BARD1: variants seen among roughly 807,000 people sequenced by gnomAD.
BARD1 encodes the protein BRCA1 associated RING domain 1.
A neutral mutation model predicts 77.0 loss-of-function variants in BARD1; 73 were observed. The ratio of observed to expected loss-of-function variants is 0.95; its 90% CI spans 0.79 to 1.15. The LOEUF (loss-of-function observed/expected upper bound fraction) is 1.15, where lower values mean the gene tolerates loss of function less well. Among genes scored for constraint, BARD1 ranks in the 50% most tolerant of loss-of-function variants. BARD1 has a pLI of 0.00. For synonymous variants in BARD1, 384 were observed against 338.0 expected, an observed-to-expected ratio of 1.14 and a Z score of -1.49; for missense variants, 993 against 938.8, an observed-to-expected ratio of 1.06 and a Z score of -0.75.
chr2:214,751,151 A>ATTTTTTTTT (rs60746999), intron 7 of BARD1, among the ~76,000 whole-genome samples: 5 of 37,180 alleles, frequency 1.3e-4, no homozygotes, highest in East Asian at 6.6e-4. Context: ...ATATATATAT[A>ATTTTTTTTT]TTTTTTTTTT....
intron 6 of BARD1, among the ~76,000 whole-genome samples, chr2:214,758,510 C>G (rs1693805474): frequency 1.3e-5 from 2 of 152,136 alleles, no homozygotes; most frequent in Admixed American, 1.3e-4. Context: ...ACAATTGATG[C>G]ATGTTTTTCA....
At chr2:214,775,603 A>G (rs574839569) in intron 4 of BARD1, among the ~76,000 whole-genome samples, 1 of 152,298 alleles carries the variant, frequency 6.6e-6, no homozygotes, top group East Asian at 1.9e-4. Context: ...CTGTTGGAAA[A>G]ACAGCACTGA....
In BARD1 at chr2:214,801,167, A is replaced by G. The variant is rs146355191; in HGVS notation, c.159-4050T>C. On this transcript the variant is annotated intron_variant, in intron 1 of 10. Coordinates refer to ENST00000260947, the MANE Select transcript of BARD1 (RefSeq NM_000465.4). ...TTCATGTATAACTTTATTTAAAAAC[A>G]TTTTAAATGTAAAGGCACATGACAT... 8.6e-3 allele frequency among the ~76,000 whole-genome samples: 1,316 copies of G among 152,328 alleles called. 20 individuals are homozygous for G. The highest frequency in any genetic ancestry group is 0.029 in the African/African-American group (1,224 of 41,564).
intron 9 of BARD1, among the ~76,000 whole-genome samples, chr2:214,736,765 G>A (rs1332844968): frequency 6.6e-6 from 1 of 152,122 alleles, no homozygotes; most frequent in Non-Finnish European, 1.5e-5. Context: ...TCCATGAGAA[G>A]GAGCCAGTGT....
chr2:214,806,034 T>C (rs1459845427), intron 1 of BARD1, among the ~76,000 whole-genome samples: 1 of 152,238 alleles, frequency 6.6e-6, no homozygotes, highest in Non-Finnish European at 1.5e-5. Flanking sequence ...TAATATGGTC[T>C]TCCTGTCTCA....
intron 1 of BARD1, among the ~76,000 whole-genome samples, chr2:214,808,232 AC>A (rs1696366482): frequency 6.6e-6 from 1 of 152,156 alleles, no homozygotes; most frequent in Non-Finnish European, 1.5e-5. Flanking sequence ...ACACGGTGAA[AC>A]CCCATCTGTA....
chr2:214,737,478 G>A (rs566048486), intron 9 of BARD1, among the ~76,000 whole-genome samples: 3 of 152,132 alleles, frequency 2.0e-5, no homozygotes, highest in South Asian at 2.1e-4. Context: ...TACTCAATCC[G>A]ACATGCTAAG....
intron 2 of BARD1, among the ~76,000 whole-genome samples, chr2:214,792,767 T>C (rs545632619): frequency 2.2e-4 from 34 of 152,290 alleles, no homozygotes; most frequent in Admixed American, 8.5e-4. Flanking sequence ...TAGTCGTGCA[T>C]CCTAACTTTT....
intron 1 of BARD1, among the ~76,000 whole-genome samples, chr2:214,806,802 G>A (rs1325593413): frequency 1.4e-5 from 2 of 148,128 alleles, no homozygotes; most frequent in Admixed American, 6.9e-5. Flanking sequence ...TGAACCCGGG[G>A]GAAGGAGGTT....
At chr2:214,759,388 T>A (rs975684452) in intron 6 of BARD1, among the ~76,000 whole-genome samples, 1 of 152,160 alleles carries the variant, frequency 6.6e-6, no homozygotes, top group Non-Finnish European at 1.5e-5. Context: ...CACACTGGGA[T>A]GTACAGAGGG....
At chr2:214,729,037 G>C in intron 10 of BARD1, 29 bp from the exon 11 acceptor site, 1 of 1,604,502 alleles carries the variant, frequency 6.2e-7, no homozygotes, top group South Asian at 1.1e-5. Flanking sequence ...ATTTGTTAAA[G>C]GCAGATCAAA....
At chr2:214,790,959 A>C (rs1695486318) in intron 3 of BARD1, among the ~76,000 whole-genome samples, 1 of 152,166 alleles carries the variant, frequency 6.6e-6, no homozygotes, top group Non-Finnish European at 1.5e-5. Context: ...ATCACACACC[A>C]ATCTCTTTTA....
At chr2:214,760,448 C>T (rs1239304505) in intron 6 of BARD1, among the ~76,000 whole-genome samples, 1 of 152,060 alleles carries the variant, frequency 6.6e-6, no homozygotes, top group Non-Finnish European at 1.5e-5. Context: ...CCGCCTCGGC[C>T]TCCCAAAGTG....
chr2:214,804,296 C>T (rs965481981), intron 1 of BARD1, among the ~76,000 whole-genome samples: 3 of 152,222 alleles, frequency 2.0e-5, no homozygotes, highest in African/African-American at 7.2e-5. Context: ...GGTATTACCA[C>T]TTGCAAAGGC....
intron 4 of BARD1, among the ~76,000 whole-genome samples, chr2:214,775,663 T>C (rs914682321): frequency 5.3e-5 from 8 of 152,186 alleles, no homozygotes; most frequent in African/African-American, 1.4e-4. Flanking sequence ...CAAAACTCTC[T>C]GCGAAGCATA....
intron 4 of BARD1, among the ~76,000 whole-genome samples, chr2:214,780,082 G>A (rs1694909543): frequency 6.6e-6 from 1 of 152,164 alleles, no homozygotes; most frequent in African/African-American, 2.4e-5. Flanking sequence ...GTGAACTGGA[G>A]GAGCCATTTC....
At chr2:214,797,184 T>C in intron 1 of BARD1, 67 bp from the exon 2 acceptor site, 1 of 1,255,806 alleles carries the variant, frequency 8.0e-7, no homozygotes, top group Non-Finnish European at 1.2e-6. Flanking sequence ...CACCCAATAT[T>C]TCATCCAAGG....
rs1692098461 is a variant in BARD1 at position 214,726,710 on chromosome 2, T to C, written c.*1966A>G. The C allele has an allele frequency of 4.4e-6, 1 of 227,858 alleles. No individual in the cohort carries two copies. The highest frequency in any genetic ancestry group is 8.7e-6 in the Non-Finnish European group (1 of 114,942). The allele number at this position is 227,858 out of a possible 1,614,324, so 14.1% of individuals were successfully genotyped here. A position where few individuals can be genotyped will look rare whatever the true frequency, so the allele number is the denominator to read the frequency against. Reference sequence around the variant, plus strand: ...CTATGATTGAAAAATAAAAAATAATTACATGTATATCTACACAGAAAGTAC... The same window carrying C: ...CTATGATTGAAAAATAAAAAATAATCACATGTATATCTACACAGAAAGTAC... On this transcript the variant is annotated 3_prime_UTR_variant, in exon 11 of 11. Coordinates refer to ENST00000260947, the MANE Select transcript of BARD1 (RefSeq NM_000465.4).
chr2:214,761,292 A>C (rs1428197423), intron 6 of BARD1, among the ~76,000 whole-genome samples: 1 of 149,608 alleles, frequency 6.7e-6, no homozygotes, highest in Non-Finnish European at 1.5e-5. Context: ...GTAAAAAGAA[A>C]AAAAAAAAAA....
Sources: gnomAD v4.1 joint callset for allele counts (sites outside exome capture counted in the v4.1 genomes callset) on GRCh38, gnomAD v4.1.1 for gene constraint, MANE v1.5 for transcripts, NCBI Gene and HGNC (gene_info 2026-07-23, HGNC 2026-07-21) for gene names.